PAK3: variants seen among roughly 807,000 people sequenced by gnomAD.
PAK3 encodes serine/threonine-protein kinase PAK 3.
A neutral mutation model predicts 41.0 loss-of-function variants in PAK3; 4 were observed. The observed-to-expected ratio is 0.10, with a 90% CI of 0.05 to 0.22. PAK3 has a LOEUF of 0.22. Ranked by LOEUF, PAK3 falls within the 10% of genes least tolerant of loss-of-function variation. PAK3 has a pLI of 1.00. For missense variants in PAK3, 205 were observed against 409.9 expected (o/e 0.50, Z 4.32); for synonymous variants, 146 against 139.6 (o/e 1.05, Z -0.32).
At chrX:111,089,696 C>T (rs1454826382) in intron 1 of PAK3, among the ~76,000 whole-genome samples, 3 of 110,780 alleles carry the variant, frequency 2.7e-5, no homozygotes, top group Non-Finnish European at 3.8e-5. Flanking sequence ...AAGTTTGATA[C>T]GGCTGACCCT....
chrX:111,053,019 C>G (rs1010626269), intron 1 of PAK3, among the ~76,000 whole-genome samples: 5 of 112,248 alleles, frequency 4.5e-5, no homozygotes, highest in African/African-American at 6.5e-5. Context: ...GCACAAGTAT[C>G]TCATAAGCAC....
intron 1 of PAK3, among the ~76,000 whole-genome samples, chrX:110,972,954 A>G (rs2091243898): frequency 8.9e-6 from 1 of 111,872 alleles, no homozygotes; most frequent in Admixed American, 9.5e-5. Flanking sequence ...AAGTGGAAGA[A>G]AGGGTATCAG....
rs191705141 is a variant in PAK3 at position 111,142,177 on chromosome X, C to T, written c.257C>T (p.Ala86Val). 8.8e-7 allele frequency: 1 copy of T among 1,135,970 alleles called. No homozygotes were observed. The highest frequency in any genetic ancestry group is 1.2e-6 in the Non-Finnish European group (1 of 826,038). The allele number at this position is 1,135,970 out of a possible 1,213,427, so 93.6% of individuals were successfully genotyped here. A position where few individuals can be genotyped will look rare whatever the true frequency, so the allele number is the denominator to read the frequency against. Residue 86 changes from alanine (A) to valine (V), a missense_variant, in exon 6 of 18, where the codon GCA becomes GTA. Ala to Val is a moderately conservative substitution (Grantham distance 64). Coordinates refer to ENST00000372007, the MANE Select transcript of PAK3 (RefSeq NM_002578.5). ...FEHTIHVGFD[A>V]VTGEFTGIPE... ...CATACGATTCATGTGGGGTTTGATG[C>T]AGTCACCGGGGAATTCACTGTAAGT... is the stretch of plus-strand genomic sequence containing the variant.
chrX:110,978,375 TG>T (rs2091379285), intron 1 of PAK3, among the ~76,000 whole-genome samples: 1 of 111,430 alleles, frequency 9.0e-6, no homozygotes, highest in East Asian at 2.8e-4. Context: ...AGGTTTGGTT[TG>T]TTTTTTTTAT....
chrX:111,101,740 G>A (rs1248831274), intron 3 of PAK3, among the ~76,000 whole-genome samples: 1 of 111,962 alleles, frequency 8.9e-6, no homozygotes, highest in Non-Finnish European at 1.9e-5. Flanking sequence ...ACGTAGGGAG[G>A]GAGGGGGCGA....
intron 11 of PAK3, among the ~76,000 whole-genome samples, chrX:111,180,335 C>T (rs1182094465): frequency 1.8e-5 from 2 of 111,458 alleles, no homozygotes; most frequent in Non-Finnish European, 3.8e-5. Context: ...CGACATCCAA[C>T]ACTTGCAGTT....
chrX:110,954,589 C>A (rs769208869), intron 1 of PAK3, among the ~76,000 whole-genome samples: 2 of 111,487 alleles, frequency 1.8e-5, no homozygotes, highest in South Asian at 3.8e-4. Flanking sequence ...AGCAACAGAT[C>A]TTCTTGGGTG....
intron 1 of PAK3, among the ~76,000 whole-genome samples, chrX:111,048,140 G>C (rs1379919190): frequency 9.0e-6 from 1 of 110,943 alleles, no homozygotes; most frequent in African/African-American, 3.3e-5. Flanking sequence ...ACATCCAACA[G>C]TCCTTTTTCT....
chrX:110,972,272 T>C (rs2091224313), intron 1 of PAK3, among the ~76,000 whole-genome samples: 1 of 111,556 alleles, frequency 9.0e-6, no homozygotes, highest in African/African-American at 3.3e-5. Context: ...GACTGCCTCC[T>C]CAAGTGGGTC....
rs2094211842 is a variant in PAK3 at position 111,163,176 on chromosome X, A to G, written c.600+130A>G. The G allele has an allele frequency of 1.5e-6, 1 of 668,667 alleles. No individual in the cohort carries two copies. Among genetic ancestry groups the G allele is most frequent in the South Asian group, 2.4e-5 (1 of 41,296 alleles). The allele number at this position is 668,667 out of a possible 1,213,427, so 55.1% of individuals were successfully genotyped here. A position where few individuals can be genotyped will look rare whatever the true frequency, so the allele number is the denominator to read the frequency against. On this transcript the variant is annotated intron_variant, in intron 9 of 17. Coordinates refer to ENST00000372007, the MANE Select transcript of PAK3 (RefSeq NM_002578.5). ...TGTTCCAAGAGCTAAAGTATAAAAT[A>G]TGACCAAGGTTTTGAGGATACTGTT...
intron 4 of PAK3, among the ~76,000 whole-genome samples, chrX:111,114,936 C>A (rs1413117606): frequency 1.8e-5 from 2 of 112,146 alleles, no homozygotes; most frequent in Non-Finnish European, 3.8e-5. Context: ...TTCCACCAAG[C>A]CCTGCTTCTG....
chrX:110,949,890 G>A (rs1285685888), intron 1 of PAK3, among the ~76,000 whole-genome samples: 1 of 111,614 alleles, frequency 9.0e-6, no homozygotes, highest in African/African-American at 3.3e-5. Flanking sequence ...AGAAAGGATG[G>A]CAATCATGCC....
At chrX:110,966,278 C>A (rs2091079777) in intron 1 of PAK3, among the ~76,000 whole-genome samples, 1 of 111,396 alleles carries the variant, frequency 9.0e-6, no homozygotes, top group African/African-American at 3.3e-5. Flanking sequence ...CTTGGCTTAG[C>A]AGACCATTTT....
chrX:111,019,002 T>A (rs2092131928), intron 1 of PAK3, among the ~76,000 whole-genome samples: 1 of 110,894 alleles, frequency 9.0e-6, no homozygotes, highest in Admixed American at 9.6e-5. Context: ...GAAAGAGCAA[T>A]CTTTCCAACA....
chrX:110,999,675 T>TAAAAAAAA (rs777940539), intron 1 of PAK3, among the ~76,000 whole-genome samples: 2 of 68,183 alleles, frequency 2.9e-5, no homozygotes. Flanking sequence ...TTTATAAAAG[T>TAAAAAAAA]AAAAAAAAAA....
At chrX:111,106,530 C>T (rs2093269339) in intron 4 of PAK3, among the ~76,000 whole-genome samples, 1 of 111,306 alleles carries the variant, frequency 9.0e-6, no homozygotes, top group Admixed American at 9.5e-5. Flanking sequence ...ACTTAACTAC[C>T]ACTGAGATAA....
chrX:111,090,786 A>G (rs1185351329), intron 1 of PAK3, among the ~76,000 whole-genome samples: 1 of 112,402 alleles, frequency 8.9e-6, no homozygotes, highest in African/African-American at 3.2e-5. Flanking sequence ...AAAAATAAAT[A>G]AGATTTGGTT....
chrX:111,007,407 G>A (rs972943538), intron 1 of PAK3, among the ~76,000 whole-genome samples: 2 of 111,923 alleles, frequency 1.8e-5, no homozygotes, highest in African/African-American at 6.5e-5. Context: ...ACAAGTCCCA[G>A]GAGAAGTGCA....
chrX:111,065,317 G>GTTTTTTTTTTTTTTTTTTTTT (rs56710729), intron 1 of PAK3, among the ~76,000 whole-genome samples: 1 of 102,272 alleles, frequency 9.8e-6, no homozygotes. Context: ...AGATGATCAC[G>GTTTTTTTTTTTTTTTTTTTTT]TTTTTTTTTT....
Sources: allele counts gnomAD v4.1 joint callset (sites outside exome capture counted in the v4.1 genomes callset), GRCh38; gene constraint gnomAD v4.1.1; transcripts MANE v1.5; gene names NCBI Gene and HGNC (gene_info 2026-07-23, HGNC 2026-07-21).